The following ADAMTSL1 variants were observed in gnomAD, a reference collection of about 807,000 sequenced individuals.
The protein encoded by ADAMTSL1 is ADAMTS-like protein 1.
ADAMTSL1 carries 126 observed loss-of-function variants against 201.8 expected under a neutral mutation model. That is an observed-to-expected ratio of 0.62 (90% confidence interval 0.54 to 0.72). The LOEUF (loss-of-function observed/expected upper bound fraction) is 0.72. Among genes scored for constraint, ADAMTSL1 ranks in the 30% least tolerant of loss-of-function variants. The pLI, the probability that ADAMTSL1 is intolerant of heterozygous loss-of-function variation, is 0.00. For missense variants in ADAMTSL1, 2,679 were observed against 2,277.8 expected (o/e 1.18, Z -3.59); for synonymous variants, 1,121 against 903.4 (o/e 1.24, Z -4.32).
Position 18,908,578 on chromosome 9 carries a change from G to A in ADAMTSL1, c.*30G>A. On this transcript the variant is annotated 3_prime_UTR_variant, in exon 29 of 29. Transcript: ENST00000380548. Reference sequence around the variant, plus strand: ...AGGGTGTGGGGAAAAACTCTACCCTGGCCACACGAAGGACTCACGCAACCA... The same window carrying A: ...AGGGTGTGGGGAAAAACTCTACCCTAGCCACACGAAGGACTCACGCAACCA... 1 of 1,528,684 alleles carries A rather than the reference G, an allele frequency of 6.5e-7. No homozygotes were observed. The highest frequency in any genetic ancestry group is 8.9e-7 in the Non-Finnish European group (1 of 1,127,670). The allele number at this position is 1,528,684 out of a possible 1,614,324, so 94.7% of individuals were successfully genotyped here.
chr9:17,926,754 A>G (rs768528724), intron 1 of ADAMTSL1, among the ~76,000 whole-genome samples: 8 of 152,114 alleles, frequency 5.3e-5, no homozygotes, highest in Non-Finnish European at 8.8e-5. Context: ...AGCTTTTCCA[A>G]GCTTTCAGAT....
chr9:17,989,142 T>A (rs1010271874), intron 1 of ADAMTSL1, among the ~76,000 whole-genome samples: 1 of 151,986 alleles, frequency 6.6e-6, no homozygotes, highest in Non-Finnish European at 1.5e-5. Flanking sequence ...ATTATGTTTA[T>A]TACAGAAAAA....
intron 2 of ADAMTSL1, among the ~76,000 whole-genome samples, chr9:18,378,816 G>GTTGT (rs138419004): frequency 0.087 from 13,151 of 151,884 alleles, 1,470 homozygotes; most frequent in African/African-American, 0.26. Context: ...GTTTTTTGTT[G>GTTGT]TTGTTTGTTT....
chr9:18,466,260 C>T (rs1010835697), intron 2 of ADAMTSL1, among the ~76,000 whole-genome samples: 1 of 152,134 alleles, frequency 6.6e-6, no homozygotes, highest in Non-Finnish European at 1.5e-5. Flanking sequence ...ATGTTTCTCT[C>T]AGTTGCACGT....
chr9:18,152,456 C>A (rs557912559), intron 1 of ADAMTSL1, among the ~76,000 whole-genome samples: 28 of 152,096 alleles, frequency 1.8e-4, no homozygotes, highest in Admixed American at 5.9e-4. Flanking sequence ...ATGGCTGACT[C>A]ACTGAGAGCT....
intron 16 of ADAMTSL1, among the ~76,000 whole-genome samples, chr9:18,758,249 C>T (rs1183935204): frequency 6.6e-6 from 1 of 152,196 alleles, no homozygotes; most frequent in South Asian, 2.1e-4. Flanking sequence ...TTACTATCTG[C>T]TCTTAACTGT....
chr9:18,292,259 G>C (rs1335482785), intron 2 of ADAMTSL1, among the ~76,000 whole-genome samples: 1 of 152,074 alleles, frequency 6.6e-6, no homozygotes, highest in Admixed American at 6.6e-5. Context: ...CAGATGATGG[G>C]CCAAGCAGGA....
At chr9:18,316,891 G>A (rs1294804001) in intron 2 of ADAMTSL1, among the ~76,000 whole-genome samples, 2 of 150,836 alleles carry the variant, frequency 1.3e-5, no homozygotes, top group African/African-American at 4.9e-5. Context: ...TTCCCGCAAG[G>A]AAGATAAAAC....
intron 2 of ADAMTSL1, among the ~76,000 whole-genome samples, chr9:18,396,643 A>T (rs1409220966): frequency 6.6e-6 from 1 of 151,390 alleles, no homozygotes; most frequent in Non-Finnish European, 1.5e-5. Context: ...TGTCCTGTGC[A>T]AATAGAGTAC....
At chr9:17,921,979 A>C (rs1003718319) in intron 1 of ADAMTSL1, among the ~76,000 whole-genome samples, 39 of 152,228 alleles carry the variant, frequency 2.6e-4, no homozygotes, top group African/African-American at 8.9e-4. Context: ...TCATATTTGG[A>C]AACAGTTTTA....
intron 2 of ADAMTSL1, chr9:18,362,170 A>G (rs1038511091): frequency 4.6e-5 from 7 of 152,234 alleles, no homozygotes; most frequent in African/African-American, 1.7e-4. Flanking sequence ...TCTCCCAGCT[A>G]AAACTGGAAC....
At chr9:17,920,758 C>T (rs184784792) in intron 1 of ADAMTSL1, among the ~76,000 whole-genome samples, 1 of 152,184 alleles carries the variant, frequency 6.6e-6, no homozygotes, top group East Asian at 1.9e-4. Context: ...ATGTTTTAGG[C>T]TTTGTGGGCT....
At chr9:18,789,021 T>A (rs149005215) in intron 19 of ADAMTSL1, among the ~76,000 whole-genome samples, 1 of 152,208 alleles carries the variant, frequency 6.6e-6, no homozygotes, top group Non-Finnish European at 1.5e-5. Context: ...CCTCACTTCT[T>A]GCTCCTCTTT....
intron 21 of ADAMTSL1, among the ~76,000 whole-genome samples, chr9:18,823,388 C>A (rs1824330541): frequency 6.6e-6 from 1 of 152,140 alleles, no homozygotes; most frequent in Non-Finnish European, 1.5e-5. Context: ...TGGTTTATAT[C>A]CAGTCCTGTC....
Position 18,707,021 on chromosome 9 carries a change from A to C in ADAMTSL1, c.1849A>C (p.Thr617Pro). The C allele has an allele frequency of 6.2e-7, 1 of 1,613,814 alleles. No individual in the cohort carries two copies. Residue 617 changes from threonine (T) to proline (P), a missense_variant, in exon 14 of 29, where the codon ACC becomes CCC. By Grantham distance (38) the Thr-to-Pro change is conservative. Transcript: ENST00000380548. ...GTATGACTGGGAGTATGAGGGGTTC[A>C]CCAAGTGCTCCGAGTCCTGTGGAGG... is the stretch of plus-strand genomic sequence containing the variant. Reference protein sequence around the residue: ...ELYDWEYEGFTKCSESCGGGV... With the variant: ...ELYDWEYEGFPKCSESCGGGV...
intron 7 of ADAMTSL1, among the ~76,000 whole-genome samples, chr9:18,647,971 A>G (rs1423590429): frequency 6.7e-6 from 1 of 149,900 alleles, no homozygotes; most frequent in East Asian, 1.9e-4. Context: ...TGATCCGTCT[A>G]ATGTTGACAG....
At chr9:18,410,476 T>A (rs1411243308) in intron 2 of ADAMTSL1, among the ~76,000 whole-genome samples, 1 of 152,170 alleles carries the variant, frequency 6.6e-6, no homozygotes, top group Non-Finnish European at 1.5e-5. Context: ...ACATGTGGTG[T>A]TTGGTTTTCC....
chr9:18,641,689 C>T (rs1447181926), intron 7 of ADAMTSL1, among the ~76,000 whole-genome samples: 1 of 151,810 alleles, frequency 6.6e-6, no homozygotes, highest in African/African-American at 2.4e-5. Flanking sequence ...TATTGAAGTA[C>T]GTACAGAAAA....
intron 2 of ADAMTSL1, among the ~76,000 whole-genome samples, chr9:18,348,949 T>C (rs1389587723): frequency 6.6e-6 from 1 of 152,208 alleles, no homozygotes; most frequent in East Asian, 1.9e-4. Flanking sequence ...TTTACATATA[T>C]TATCTCATTT....
Sources: gnomAD v4.1 joint callset for allele counts (sites outside exome capture counted in the v4.1 genomes callset) on GRCh38, gnomAD v4.1.1 for gene constraint, MANE v1.5 for transcripts, NCBI Gene and HGNC (gene_info 2026-07-23, HGNC 2026-07-21) for gene names.